SLC39A11: variants seen among roughly 807,000 people sequenced by gnomAD.
SLC39A11 encodes zinc transporter ZIP11.
A neutral mutation model predicts 36.1 loss-of-function variants in SLC39A11; 33 were observed. The observed-to-expected ratio is 0.91, with a 90% CI of 0.69 to 1.22. The LOEUF is 1.22. Among genes scored for constraint, SLC39A11 ranks in the 50% most tolerant of loss-of-function variants. SLC39A11 has a pLI of 0.00. For synonymous variants in SLC39A11, 166 were observed against 170.3 expected (o/e 0.97, Z 0.20); for missense variants, 432 against 430.3 (o/e 1.00, Z -0.03).
At chr17:73,019,947 G>A (rs2058287982) in intron 4 of SLC39A11, among the ~76,000 whole-genome samples, 3 of 152,180 alleles carry the variant, frequency 2.0e-5, no homozygotes, top group Admixed American at 2.0e-4. Context: ...AAATGAAACT[G>A]GGGTAGAAGT....
chr17:72,972,546 C>G (rs2087535348), intron 4 of SLC39A11, among the ~76,000 whole-genome samples: 1 of 152,152 alleles, frequency 6.6e-6, no homozygotes, highest in East Asian at 1.9e-4. Flanking sequence ...TAATCAATAT[C>G]CTCTCCCATT....
At chr17:72,935,257 G>A (rs1010913267) in intron 5 of SLC39A11, among the ~76,000 whole-genome samples, 1 of 152,190 alleles carries the variant, frequency 6.6e-6, no homozygotes, top group Non-Finnish European at 1.5e-5. Context: ...GTAGAAAGAA[G>A]TTAGATCCAA....
intron 6 of SLC39A11, among the ~76,000 whole-genome samples, chr17:72,745,700 G>A (rs2074906772): frequency 1.3e-5 from 2 of 152,308 alleles, no homozygotes; most frequent in South Asian, 4.2e-4. Context: ...CTCCAACTGG[G>A]CCTCTGGTTT....
chr17:72,741,124 G>A (rs1363248353), intron 6 of SLC39A11, among the ~76,000 whole-genome samples: 2 of 152,070 alleles, frequency 1.3e-5, no homozygotes, highest in East Asian at 3.8e-4. Context: ...CACTGCAACA[G>A]CAACAGGAGG....
chr17:72,646,569 GGCCTGTTGC>G lies in SLC39A11; in HGVS notation c.*1006_*1014del, dbSNP rs2069572316. 1 of 146,240 alleles carries G rather than the reference GGCCTGTTGC, an allele frequency of 6.8e-6. No homozygotes were observed. The highest frequency in any genetic ancestry group is 1.5e-5 in the Non-Finnish European group (1 of 65,990). The allele number at this position is 146,240 out of a possible 1,614,324, so 9.1% of individuals were successfully genotyped here. ...TTTCCCATCCTGAGCCCTCTGGCAAGGCCTGTTGCAGCTCAAGAGTTTTTGTCAGATTAT... is the reference window on the plus strand; with the variant it reads ...TTTCCCATCCTGAGCCCTCTGGCAAGAGCTCAAGAGTTTTTGTCAGATTAT... On this transcript the variant is annotated 3_prime_UTR_variant, in exon 10 of 10. Transcript: ENST00000255559.
At chr17:72,900,580 C>G (rs556500243) in intron 5 of SLC39A11, among the ~76,000 whole-genome samples, 30 of 151,992 alleles carry the variant, frequency 2.0e-4, no homozygotes, top group African/African-American at 7.2e-4. Flanking sequence ...ATCTGATTTG[C>G]ACTTTTACAG....
At chr17:72,792,164 A>T (rs1262335246) in intron 6 of SLC39A11, among the ~76,000 whole-genome samples, 1 of 152,190 alleles carries the variant, frequency 6.6e-6, no homozygotes, top group Non-Finnish European at 1.5e-5. Flanking sequence ...TGCTGCACAG[A>T]CTAGTGACAT....
chr17:72,713,433 G>T (rs566392571), intron 7 of SLC39A11, among the ~76,000 whole-genome samples: 8 of 151,430 alleles, frequency 5.3e-5, no homozygotes, highest in African/African-American at 1.9e-4. Flanking sequence ...GGGGGAGGCA[G>T]CAGCCCCACA....
At chr17:72,877,854 A>T (rs1171543432) in intron 5 of SLC39A11, among the ~76,000 whole-genome samples, 4 of 151,640 alleles carry the variant, frequency 2.6e-5, no homozygotes, top group Non-Finnish European at 4.4e-5. Context: ...GTTTTAGGGT[A>T]CATGTGCACA....
intron 5 of SLC39A11, among the ~76,000 whole-genome samples, chr17:72,933,910 G>A (rs569281087): frequency 6.6e-6 from 1 of 151,994 alleles, no homozygotes; most frequent in Non-Finnish European, 1.5e-5. Context: ...CAGAATGAAG[G>A]GTCCAAAAAC....
intron 6 of SLC39A11, among the ~76,000 whole-genome samples, chr17:72,783,921 C>T (rs1335457341): frequency 6.6e-6 from 1 of 152,154 alleles, no homozygotes; most frequent in Non-Finnish European, 1.5e-5. Context: ...CCAGCCCCCA[C>T]CCAGGGCATG....
intron 7 of SLC39A11, among the ~76,000 whole-genome samples, chr17:72,695,216 A>G (rs2072237318): frequency 6.6e-6 from 1 of 152,086 alleles, no homozygotes; most frequent in Non-Finnish European, 1.5e-5. Flanking sequence ...CTCCTCCTCA[A>G]ACAGAACCCT....
At chr17:72,968,119 A>G (rs1360759720) in intron 4 of SLC39A11, among the ~76,000 whole-genome samples, 1 of 152,206 alleles carries the variant, frequency 6.6e-6, no homozygotes, top group Non-Finnish European at 1.5e-5. Flanking sequence ...CTGGAAAGCA[A>G]TGTTTGTTTT....
chr17:72,906,884 A>G (rs1311905295), intron 5 of SLC39A11, among the ~76,000 whole-genome samples: 1 of 152,158 alleles, frequency 6.6e-6, no homozygotes, highest in Non-Finnish European at 1.5e-5. Context: ...ACCACCCTTC[A>G]AGTCACAAAT....
intron 7 of SLC39A11, among the ~76,000 whole-genome samples, chr17:72,662,404 GAAGAAAGAAA>G (rs1168727897): frequency 8.6e-6 from 1 of 116,078 alleles, no homozygotes; most frequent in African/African-American, 3.2e-5. Context: ...AAGAAGGAGG[GAAGAAAGAAA>G]AAGAAAGAGA....
At chr17:73,017,287 T>C (rs2058199334) in intron 4 of SLC39A11, among the ~76,000 whole-genome samples, 1 of 152,208 alleles carries the variant, frequency 6.6e-6, no homozygotes, top group Non-Finnish European at 1.5e-5. Flanking sequence ...TAATAGACTA[T>C]GCAGGGCTGT....
intron 6 of SLC39A11, among the ~76,000 whole-genome samples, chr17:72,798,568 C>G (rs1370638614): frequency 6.6e-6 from 1 of 151,902 alleles, no homozygotes; most frequent in Non-Finnish European, 1.5e-5. Flanking sequence ...CACCCACCAC[C>G]ATGCAGGGGT....
intron 5 of SLC39A11, among the ~76,000 whole-genome samples, chr17:72,942,086 G>A (rs1224343272): frequency 6.6e-6 from 1 of 151,394 alleles, no homozygotes; most frequent in Non-Finnish European, 1.5e-5. Flanking sequence ...GTAGAGACAG[G>A]GGTTTCACCA....
At chr17:73,051,101 T>G (rs2059482872) in intron 3 of SLC39A11, among the ~76,000 whole-genome samples, 1 of 152,196 alleles carries the variant, frequency 6.6e-6, no homozygotes, top group South Asian at 2.1e-4. Flanking sequence ...AGGTGTCAGC[T>G]GGGCCACGCT....
Sources: allele counts gnomAD v4.1 joint callset (sites outside exome capture counted in the v4.1 genomes callset), GRCh38; gene constraint gnomAD v4.1.1; transcripts MANE v1.5; gene names NCBI Gene and HGNC (gene_info 2026-07-23, HGNC 2026-07-21).